FAM178B: variants seen among roughly 807,000 people sequenced by gnomAD.
FAM178B encodes family with sequence similarity 178 member B.
FAM178B carries 82 observed loss-of-function variants against 91.7 expected under a neutral mutation model. That is an observed-to-expected ratio of 0.89 (90% confidence interval 0.75 to 1.07). The LOEUF (loss-of-function observed/expected upper bound fraction) is 1.07, where lower values mean the gene tolerates loss of function less well. Among genes scored for constraint, FAM178B ranks in the 50% least tolerant of loss-of-function variants. The pLI is 0.00. For missense variants in FAM178B, 769 were observed against 846.7 expected, an observed-to-expected ratio of 0.91 and a Z score of 1.14; for synonymous variants, 368 against 359.4, an observed-to-expected ratio of 1.02 and a Z score of -0.27.
intron 8 of FAM178B, among the ~76,000 whole-genome samples, chr2:96,933,670 C>T (rs1459521738): frequency 6.6e-6 from 1 of 152,164 alleles, no homozygotes; most frequent in Non-Finnish European, 1.5e-5. Context: ...TCTTATCCTC[C>T]CCAACCCCCA....
At chr2:96,891,279 A>T (rs973066736) in intron 14 of FAM178B, among the ~76,000 whole-genome samples, 1 of 152,212 alleles carries the variant, frequency 6.6e-6, no homozygotes, top group Non-Finnish European at 1.5e-5. Context: ...TGGTTCTGCC[A>T]CATGCAGGTA....
chr2:96,892,801 G>C (rs1462692604), intron 14 of FAM178B, among the ~76,000 whole-genome samples: 1 of 152,100 alleles, frequency 6.6e-6, no homozygotes, highest in Non-Finnish European at 1.5e-5. Context: ...TGTTTAGACA[G>C]ACCACCCCAG....
intron 8 of FAM178B, among the ~76,000 whole-genome samples, chr2:96,930,493 G>A (rs987277729): frequency 7.2e-5 from 11 of 152,152 alleles, no homozygotes; most frequent in Non-Finnish European, 7.3e-5. Flanking sequence ...CCTCAGCATT[G>A]TCCGACTTAG....
At position 96,972,657 on chromosome 2, in the gene FAM178B, G is replaced by A. The variant is rs1048082226; in HGVS notation, c.74-51C>T. 4 of 1,508,364 alleles carry A rather than the reference G, an allele frequency of 2.7e-6. No homozygotes were observed. The African/African-American group carries it at 5.5e-5, about 21-fold the overall frequency. 93.4% of individuals were successfully genotyped at this position (1,508,364 alleles called of 1,614,324 possible). On this transcript the variant is annotated intron_variant, in intron 1 of 16. Transcript: ENST00000490605. ...GGTGAACCTCCAGAAGAAAGCTAAA[G>A]GTTCTAAACCCCGTGATTCCCACAG... is the stretch of plus-strand genomic sequence containing the variant.
At chr2:96,961,991 T>C (rs929115635) in intron 5 of FAM178B, among the ~76,000 whole-genome samples, 3 of 152,336 alleles carry the variant, frequency 2.0e-5, no homozygotes, top group South Asian at 2.1e-4. Flanking sequence ...ATTGCTTAAA[T>C]TGTTTTTTAG....
intron 1 of FAM178B, among the ~76,000 whole-genome samples, chr2:96,983,911 C>G (rs1353045691): frequency 1.3e-5 from 2 of 152,182 alleles, no homozygotes; most frequent in African/African-American, 4.8e-5. Context: ...ACTTATTTAT[C>G]CATTCCGCTG....
intron 7 of FAM178B, among the ~76,000 whole-genome samples, chr2:96,948,966 G>A (rs1003460688): frequency 5.3e-5 from 8 of 152,100 alleles, no homozygotes; most frequent in African/African-American, 7.2e-5. Context: ...GTAAGCCTGC[G>A]TGGATGCCCT....
At chr2:96,952,406 C>G (rs141613306) in intron 6 of FAM178B, among the ~76,000 whole-genome samples, 21 of 152,236 alleles carry the variant, frequency 1.4e-4, no homozygotes, top group Non-Finnish European at 2.8e-4. Context: ...GGGGCGTGCT[C>G]AGACCAGCCA....
chr2:96,909,012 A>G (rs1389276538), intron 12 of FAM178B, among the ~76,000 whole-genome samples: 7 of 151,850 alleles, frequency 4.6e-5, no homozygotes, highest in Non-Finnish European at 1.0e-4. Context: ...GTGTGGTGAC[A>G]GGTACCTGTA....
intron 14 of FAM178B, among the ~76,000 whole-genome samples, chr2:96,885,049 T>G (rs1327849711): frequency 6.6e-6 from 1 of 152,240 alleles, no homozygotes; most frequent in Non-Finnish European, 1.5e-5. Context: ...TGGTGGGGCC[T>G]GCCAGGCAAG....
At chr2:96,956,285 TGTGACTGTG>T (rs2081998608) in intron 6 of FAM178B, among the ~76,000 whole-genome samples, 1 of 152,216 alleles carries the variant, frequency 6.6e-6, no homozygotes, top group African/African-American at 2.4e-5. Context: ...CATAATGACA[TGTGACTGTG>T]GTGGCAGGGG....
At chr2:96,969,273 T>A (rs1169119912) in intron 4 of FAM178B, among the ~76,000 whole-genome samples, 1 of 152,162 alleles carries the variant, frequency 6.6e-6, no homozygotes, top group Non-Finnish European at 1.5e-5. Flanking sequence ...ATAGCTATAT[T>A]TGGAGTAAGA....
chr2:96,927,094 C>G (rs1477564315), intron 9 of FAM178B, among the ~76,000 whole-genome samples: 1 of 152,212 alleles, frequency 6.6e-6, no homozygotes, highest in Non-Finnish European at 1.5e-5. Context: ...CTCTTGTGGC[C>G]CATGCATCCA....
chr2:96,932,772 T>A (rs2081561573), intron 8 of FAM178B, among the ~76,000 whole-genome samples: 1 of 150,664 alleles, frequency 6.6e-6, no homozygotes, highest in Non-Finnish European at 1.5e-5. Context: ...ACCCTGTCTC[T>A]ACTAAAAATA....
At chr2:96,898,127 C>T in intron 13 of FAM178B, 1 of 985,480 alleles carries the variant, frequency 1.0e-6, no homozygotes, top group Non-Finnish European at 1.2e-6. Context: ...AATTCTAAAC[C>T]CCTGTGCCCC....
At chr2:96,932,166 T>C (rs1334865168) in intron 8 of FAM178B, among the ~76,000 whole-genome samples, 1 of 152,112 alleles carries the variant, frequency 6.6e-6, no homozygotes, top group Non-Finnish European at 1.5e-5. Flanking sequence ...CCGCCTCCCC[T>C]TGAGATCCCC....
chr2:96,905,818 G>GTGTATATATATATA (rs1260782317), intron 12 of FAM178B, among the ~76,000 whole-genome samples: 2 of 34,198 alleles, frequency 5.8e-5, no homozygotes, highest in Non-Finnish European at 1.1e-4. Flanking sequence ...ATATATGTGT[G>GTGTATATATATATA]TATATATATA....
At chr2:96,959,722 A>G (rs2082053805) in intron 6 of FAM178B, among the ~76,000 whole-genome samples, 1 of 152,224 alleles carries the variant, frequency 6.6e-6, no homozygotes, top group Non-Finnish European at 1.5e-5. Flanking sequence ...AGTGTTGGAT[A>G]AGGTTGTGGT....
chr2:96,960,645 GCCTATC>G (rs1255843397), intron 5 of FAM178B, among the ~76,000 whole-genome samples: 1 of 152,166 alleles, frequency 6.6e-6, no homozygotes, highest in African/African-American at 2.4e-5. Context: ...CATCAATAAG[GCCTATC>G]CCTTGCTCAG....
Sources: allele counts gnomAD v4.1 joint callset (sites outside exome capture counted in the v4.1 genomes callset), GRCh38; gene constraint gnomAD v4.1.1; transcripts MANE v1.5; gene names NCBI Gene and HGNC (gene_info 2026-07-23, HGNC 2026-07-21).